Variants in PSMD2 observed in about 807,000 individuals in gnomAD.
The protein encoded by PSMD2 is 26S proteasome non-ATPase regulatory subunit 2.
PSMD2 carries 8 observed loss-of-function variants against 101.5 expected under a neutral mutation model. The observed-to-expected ratio is 0.08, with a 90% CI of 0.05 to 0.14. The LOEUF (loss-of-function observed/expected upper bound fraction) is 0.14. Among genes scored for constraint, PSMD2 ranks in the 10% least tolerant of loss-of-function variants. The pLI is 1.00. For synonymous variants in PSMD2, 418 were observed against 433.8 expected (o/e 0.96, Z 0.45); for missense variants, 784 against 1,147.4 (o/e 0.68, Z 4.58).
chr3:184,301,080 T>TA (rs925502808), intron 3 of PSMD2, among the ~76,000 whole-genome samples: 2 of 151,726 alleles, frequency 1.3e-5, no homozygotes, highest in Non-Finnish European at 2.9e-5. Context: ...CCTGTAACCC[T>TA]AGCACTTTGG....
chr3:184,307,225 G>A (rs1052317199), intron 16 of PSMD2, 132 bp from the exon 17 acceptor site: 39 of 996,186 alleles, frequency 3.9e-5, no homozygotes, highest in Non-Finnish European at 5.1e-5. Context: ...TTACAGGCAT[G>A]AGCCACCATG....
At chr3:184,303,924 A>G (rs1721736825) in intron 10 of PSMD2, 23 bp from the exon 11 acceptor site, 2 of 1,614,232 alleles carry the variant, frequency 1.2e-6, no homozygotes, top group Non-Finnish European at 1.7e-6. Flanking sequence ...ATCCTGAGTG[A>G]AGAATCTGTT....
chr3:184,306,266 A>G, intron 14 of PSMD2, 84 bp from the exon 15 acceptor site: 4 of 1,594,316 alleles, frequency 2.5e-6, no homozygotes, highest in Middle Eastern at 3.4e-4. Context: ...TCTGCTCTAG[A>G]TTCTTTAGAC....
In PSMD2 at chr3:184,308,329, A is replaced by G; in HGVS notation, c.2426-120A>G. ...TCGTAGTAGGGTGTATGAGGGGAGG[A>G]GTGTGGATTCAGTCGTATGACTGAC... On this transcript the variant is annotated intron_variant, in intron 19 of 20. Transcript: ENST00000310118. This position sits in a 1 kb window ranked among gnomAD's most constrained non-coding sequence, Gnocchi z 6.0. The G allele has an allele frequency of 1.2e-6, 1 of 859,602 alleles. No individual in the cohort carries two copies. Among genetic ancestry groups the G allele is most frequent in the Non-Finnish European group, 1.8e-6 (1 of 547,220 alleles). 53.2% of individuals were successfully genotyped at this position (859,602 alleles called of 1,614,324 possible). A position where few individuals can be genotyped will look rare whatever the true frequency, so the allele number is the denominator to read the frequency against.
Position 184,308,216 on chromosome 3 carries a change from G to A in PSMD2, c.2425+200G>A, listed in dbSNP as rs1036896953. The stretch of plus-strand genomic sequence containing the variant: ...TGGCCCAAAGAGATTTGAGGGTGAT[G>A]TGCCCAGCGTCTGCTCCTAAGTCAC... On this transcript the variant is annotated intron_variant, in intron 19 of 20. Transcript: ENST00000310118. The surrounding 1 kb of genome is among the most constrained non-coding windows in gnomAD (Gnocchi z 6.0). 1.3e-5 allele frequency among the ~76,000 whole-genome samples: 2 copies of A among 152,200 alleles called. No individual in the cohort carries two copies.
chr3:184,303,084 T>C, intron 8 of PSMD2, 22 bp downstream of exon 8: 1 of 1,609,526 alleles, frequency 6.2e-7, no homozygotes, highest in Non-Finnish European at 8.5e-7. Flanking sequence ...TCTCTGTGTA[T>C]GGGATTTGGG....
chr3:184,303,870 C>T (rs773297868), intron 10 of PSMD2, 77 bp from the exon 11 acceptor site: 189 of 1,607,884 alleles, frequency 1.2e-4, no homozygotes, highest in Non-Finnish European at 1.4e-4. Flanking sequence ...AAGGGTGCTG[C>T]AGTGAGGCCC....
intron 1 of PSMD2, 25 bp downstream of exon 1, chr3:184,299,426 C>T: frequency 1.5e-6 from 2 of 1,332,480 alleles, no homozygotes; most frequent in South Asian, 1.8e-5. Context: ...CGAGAGTCGG[C>T]GAAGGAGGCT....
chr3:184,306,933 T>G, intron 16 of PSMD2, 99 bp downstream of exon 16: 2 of 943,618 alleles, frequency 2.1e-6, no homozygotes, highest in South Asian at 3.2e-5. Flanking sequence ...GGAGAGCTGG[T>G]CTTTTTGCTG....
In PSMD2 at chr3:184,306,470, C is replaced by T; in HGVS notation, c.1925C>T (p.Ala642Val). ...AAGAAAGACAAGGACAAGAAGGAAG[C>T]CCCTGCTGACATGGGAGCACATCAG... is the stretch of plus-strand genomic sequence containing the variant. The part of the protein sequence containing the change: ...KEKKDKDKKE[A>V]PADMGAHQGV... Residue 642 changes from alanine (A) to valine (V), a missense_variant, in exon 15 of 21, where the codon GCC becomes GTC. Physicochemically the swap from Ala to Val is moderately conservative, Grantham distance 64. This residue lies in a region of PSMD2 where 282 missense variants were observed against 437.6 expected (regional missense o/e 0.64). Coordinates refer to ENST00000310118, the MANE Select transcript of PSMD2 (RefSeq NM_002808.5). 6.2e-7 allele frequency: 1 copy of T among 1,613,974 alleles called. No individual in the cohort carries two copies. The highest frequency in any genetic ancestry group is 8.5e-7 in the Non-Finnish European group (1 of 1,179,944).
At chr3:184,300,900 C>T (rs1049035312) in intron 3 of PSMD2, among the ~76,000 whole-genome samples, 2 of 152,086 alleles carry the variant, frequency 1.3e-5, no homozygotes, top group Admixed American at 6.6e-5. Flanking sequence ...TAGCAGCTAT[C>T]GTGATCTTTC....
At position 184,302,480 on chromosome 3, in the gene PSMD2, T is replaced by C; in HGVS notation, c.815T>C (p.Leu272Pro). 1 of 1,614,152 alleles carries C rather than the reference T, an allele frequency of 6.2e-7. No individual in the cohort carries two copies. The highest frequency in any genetic ancestry group is 8.5e-7 in the Non-Finnish European group (1 of 1,180,034). The change falls in exon 6 of 21, where the codon CTC becomes CCC. Residue 272 changes from leucine (L) to proline (P), a missense_variant. Leu to Pro is a moderately conservative substitution (Grantham distance 98). Transcript: ENST00000310118. ...GAAGCTCTGAGATTGGCATTGATGC[T>C]CAATGACATGGAGTTGGTAGAAGAC... ...FPEALRLALMLNDMELVEDIF... is the reference protein window; with the variant it reads ...FPEALRLALMPNDMELVEDIF...
rs750244312 is a variant in PSMD2, at chr3:184,304,048, C to T, written c.1425C>T (p.Asn475=). The part of the protein sequence containing the change: ...LLSDYVLHNS[N]TMRLGSIFGL... ...CAGACTATGTTCTCCACAACAGCAA[C>T]ACCATGAGACTTGGTTCCATCTTTG... The change falls in exon 11 of 21, where the codon AAC becomes AAT. Residue 475 remains asparagine, a synonymous_variant. Transcript: ENST00000310118. The surrounding 1 kb of genome is among the most constrained non-coding windows in gnomAD (Gnocchi z 4.1). The T allele has an allele frequency of 6.2e-7, 1 of 1,614,200 alleles. No homozygotes were observed. Among genetic ancestry groups the T allele is most frequent in the South Asian group, 1.1e-5 (1 of 91,086 alleles).
At position 184,299,332 on chromosome 3, in the gene PSMD2, C is replaced by T; in HGVS notation, c.66C>T (p.Gly22=). 3 of 1,408,002 alleles carry T rather than the reference C, an allele frequency of 2.1e-6. No homozygotes were observed. The highest frequency in any genetic ancestry group is 2.9e-5 in the South Asian group (2 of 68,564). 87.2% of individuals were successfully genotyped at this position (1,408,002 alleles called of 1,614,324 possible). Residue 22 remains glycine, a synonymous_variant, in exon 1 of 21, where the codon GGC becomes GGT. Coordinates refer to ENST00000310118, the MANE Select transcript of PSMD2 (RefSeq NM_002808.5). ...QPQQSPAAAP[G]GTDEKPSGKE... ...AGCAGTCTCCAGCGGCGGCCCCCGG[C>T]GGCACGGACGAGAAGCCGAGCGGCA...
intron 8 of PSMD2, 63 bp downstream of exon 8, chr3:184,303,125 T>C (rs1212067450): frequency 1.3e-6 from 2 of 1,564,762 alleles, no homozygotes; most frequent in African/African-American, 1.4e-5. Context: ...GTATTGGGAG[T>C]GATGGCTTGG....
intron 16 of PSMD2, 87 bp from the exon 17 acceptor site, chr3:184,307,270 G>T: frequency 6.9e-7 from 1 of 1,443,288 alleles, no homozygotes. Context: ...AGAAGTTAAG[G>T]CCCCCTTTTA....
chr3:184,307,431 A>C lies in PSMD2; in HGVS notation c.2109A>C (p.Arg703=). 3 of 1,614,076 alleles carry C rather than the reference A, an allele frequency of 1.9e-6. No homozygotes were observed. The highest frequency in any genetic ancestry group is 2.5e-6 in the Non-Finnish European group (3 of 1,179,994). The change falls in exon 17 of 21, where the codon CGA becomes CGC. Residue 703 remains arginine, a synonymous_variant. Transcript: ENST00000310118. ...ALALISVSNP[R]LNILDTLSKF... ...CCCTCATCTCTGTTTCAAATCCACG[A>C]CTCAACATCCTGGATACCCTAAGCA...
In PSMD2 at chr3:184,308,648, G is replaced by A; in HGVS notation, c.2545-60G>A. 1.9e-6 allele frequency: 3 copies of A among 1,588,612 alleles called. No individual in the cohort carries two copies. The highest frequency in any genetic ancestry group is 2.6e-6 in the Non-Finnish European group (3 of 1,158,668). ...ACATATACTTGCTTTGCTGAAACTG[G>A]CGTGGGCGGTGGCTTGTCGCTACTT... On this transcript the variant is annotated intron_variant, in intron 20 of 20. Coordinates refer to ENST00000310118, the MANE Select transcript of PSMD2 (RefSeq NM_002808.5). This position sits in a 1 kb window ranked among gnomAD's most constrained non-coding sequence, Gnocchi z 6.0.
intron 3 of PSMD2, chr3:184,300,737 T>A: frequency 1.1e-6 from 1 of 916,338 alleles, no homozygotes; most frequent in African/African-American, 1.7e-5. Flanking sequence ...TACATTCATT[T>A]ATCTCTAAAA....
Sources: allele counts gnomAD v4.1 joint callset (sites outside exome capture counted in the v4.1 genomes callset), GRCh38; gene constraint gnomAD v4.1.1; regional missense constraint gnomAD v4.1.1; non-coding constraint Gnocchi (gnomAD v3.1); transcripts MANE v1.5; gene names NCBI Gene and HGNC (gene_info 2026-07-23, HGNC 2026-07-21).